The following MAST4 variants were observed in gnomAD, a reference collection of about 807,000 sequenced individuals.
MAST4 encodes the protein microtubule-associated serine/threonine-protein kinase 4.
MAST4 carries 89 observed loss-of-function variants against 162.7 expected under a neutral mutation model. The observed-to-expected ratio is 0.55, with a 90% CI of 0.46 to 0.65. MAST4 has a LOEUF of 0.65. MAST4 is among the 30% of genes least tolerant of loss of function. The probability of loss-of-function intolerance (pLI) is 0.00; values close to 1 mark genes in which losing one functional copy is unlikely to be tolerated. For missense variants in MAST4, 3,153 were observed against 3,374.0 expected (o/e 0.93, Z 1.62); for synonymous variants, 1,479 against 1,361.1 (o/e 1.09, Z -1.91).
intron 12 of MAST4, among the ~76,000 whole-genome samples, chr5:67,118,012 A>G (rs762878865): frequency 2.2e-4 from 33 of 152,260 alleles, no homozygotes; most frequent in Non-Finnish European, 4.1e-4. Context: ...TTAGTATGCT[A>G]AGAGCTTTAC....
At chr5:67,088,669 G>A (rs1004041217) in intron 5 of MAST4, among the ~76,000 whole-genome samples, 20 of 152,102 alleles carry the variant, frequency 1.3e-4, no homozygotes, top group Non-Finnish European at 2.1e-4. Flanking sequence ...GATGGCAAAA[G>A]CAGAATTCAT....
chr5:66,944,790 G>A (rs758401230), intron 4 of MAST4, among the ~76,000 whole-genome samples: 3 of 152,146 alleles, frequency 2.0e-5, no homozygotes, highest in African/African-American at 7.2e-5. Context: ...TCTCCTGGCT[G>A]TTGGCAGAAT....
intron 1 of MAST4, among the ~76,000 whole-genome samples, chr5:66,643,615 C>T (rs1452292599): frequency 6.6e-6 from 1 of 151,992 alleles, no homozygotes; most frequent in Non-Finnish European, 1.5e-5. Context: ...TTACATTTCT[C>T]TTTGGTTTCA....
chr5:66,894,085 A>G (rs963161571), intron 3 of MAST4, among the ~76,000 whole-genome samples: 11 of 152,172 alleles, frequency 7.2e-5, no homozygotes, highest in African/African-American at 2.4e-4. Context: ...CCCACTTGCA[A>G]AGGAAATATC....
At chr5:66,872,368 C>T (rs1319405852) in intron 3 of MAST4, among the ~76,000 whole-genome samples, 2 of 152,126 alleles carry the variant, frequency 1.3e-5, no homozygotes, top group Admixed American at 6.5e-5. Flanking sequence ...TGGGGTTTCA[C>T]CATGTTGGCC....
chr5:67,111,585 C>A (rs903963454), intron 11 of MAST4, among the ~76,000 whole-genome samples: 4 of 152,200 alleles, frequency 2.6e-5, no homozygotes, highest in Admixed American at 6.5e-5. Context: ...ACTGATAAAT[C>A]CAGGTAGAAT....
chr5:67,166,195 T>C lies in MAST4; in HGVS notation c.7016T>C (p.Val2339Ala). ...LSPKHPKPST[V>A]KDCPTLCKQT... Reference sequence around the variant, plus strand: ...CCAAAGCACCCCAAACCATCCACTGTGAAAGATTGCCCCACCCTGTGCAAA... The same window carrying C: ...CCAAAGCACCCCAAACCATCCACTGCGAAAGATTGCCCCACCCTGTGCAAA... Residue 2339 changes from valine (V) to alanine (A), a missense_variant, in exon 29 of 29, where the codon GTG becomes GCG. By Grantham distance (64) the Val-to-Ala change is moderately conservative. Coordinates refer to ENST00000403625, the MANE Select transcript of MAST4 (RefSeq NM_001164664.2). 2 of 1,553,526 alleles carry C rather than the reference T, an allele frequency of 1.3e-6. No individual in the cohort carries two copies. The highest frequency in any genetic ancestry group is 1.7e-6 in the Non-Finnish European group (2 of 1,147,898).
chr5:66,924,615 G>C (rs2080455201), intron 4 of MAST4, among the ~76,000 whole-genome samples: 1 of 151,986 alleles, frequency 6.6e-6, no homozygotes, highest in South Asian at 2.1e-4. Context: ...CCATGGTTTT[G>C]ATCTCCTGAC....
chr5:67,118,357 C>A (rs1025590778), intron 12 of MAST4, among the ~76,000 whole-genome samples: 1 of 152,198 alleles, frequency 6.6e-6, no homozygotes, highest in Non-Finnish European at 1.5e-5. Flanking sequence ...CTCTCAGATA[C>A]CTGATTCTAA....
intron 2 of MAST4, among the ~76,000 whole-genome samples, chr5:66,788,124 G>A (rs1755203672): frequency 6.6e-6 from 1 of 152,186 alleles, no homozygotes; most frequent in Non-Finnish European, 1.5e-5. Context: ...AAATGGATAT[G>A]ATTATGTATC....
At chr5:67,103,970 G>A (rs1397393831) in intron 9 of MAST4, among the ~76,000 whole-genome samples, 1 of 152,194 alleles carries the variant, frequency 6.6e-6, no homozygotes. Flanking sequence ...CTGAAATGTT[G>A]ATTTCACTTA....
intron 4 of MAST4, among the ~76,000 whole-genome samples, chr5:66,982,289 C>T (rs1471968924): frequency 1.3e-5 from 2 of 152,106 alleles, no homozygotes; most frequent in African/African-American, 2.4e-5. Flanking sequence ...CTTTTAACTT[C>T]TCCATTTTTC....
At chr5:66,935,923 C>T (rs968959893) in intron 4 of MAST4, among the ~76,000 whole-genome samples, 1 of 152,154 alleles carries the variant, frequency 6.6e-6, no homozygotes, top group East Asian at 1.9e-4. Context: ...TTACCTCTGC[C>T]TCCCAAAGTG....
chr5:66,652,948 T>A (rs1397686821), intron 1 of MAST4, among the ~76,000 whole-genome samples: 2 of 152,228 alleles, frequency 1.3e-5, no homozygotes, highest in Non-Finnish European at 2.9e-5. Context: ...TGTTAATGTG[T>A]ATGTCAATGC....
intron 4 of MAST4, among the ~76,000 whole-genome samples, chr5:66,927,638 A>G (rs976556649): frequency 1.3e-5 from 2 of 152,202 alleles, no homozygotes. Context: ...GTAGGCAGAG[A>G]GTCACACACA....
At chr5:66,791,213 G>A (rs955036866) in intron 3 of MAST4, among the ~76,000 whole-genome samples, 2 of 152,132 alleles carry the variant, frequency 1.3e-5, no homozygotes, top group Non-Finnish European at 2.9e-5. Context: ...TGGTAGAGAC[G>A]GCGTTTTGCC....
At chr5:66,753,053 T>A (rs1278832398) in intron 1 of MAST4, among the ~76,000 whole-genome samples, 2 of 150,514 alleles carry the variant, frequency 1.3e-5, no homozygotes, top group African/African-American at 4.9e-5. Context: ...GAATGACTAC[T>A]GGGTACATAA....
chr5:66,598,632 C>T (rs1742355365), intron 1 of MAST4, among the ~76,000 whole-genome samples: 1 of 152,198 alleles, frequency 6.6e-6, no homozygotes, highest in Admixed American at 6.5e-5. Context: ...TCTGCCTCCA[C>T]TTCTACAGAT....
intron 4 of MAST4, among the ~76,000 whole-genome samples, chr5:67,036,543 G>A (rs1226412268): frequency 6.6e-6 from 1 of 152,130 alleles, no homozygotes; most frequent in African/African-American, 2.4e-5. Context: ...ATCTGAGGAT[G>A]TTCAAAATCT....
Sources: allele counts gnomAD v4.1 joint callset (sites outside exome capture counted in the v4.1 genomes callset), GRCh38; gene constraint gnomAD v4.1.1; transcripts MANE v1.5; gene names NCBI Gene and HGNC (gene_info 2026-07-23, HGNC 2026-07-21).